CCNB3: variants seen among roughly 807,000 people sequenced by gnomAD.
CCNB3 encodes the protein G2/mitotic-specific cyclin-B3.
A neutral mutation model predicts 68.0 loss-of-function variants in CCNB3; 12 were observed. That is an observed-to-expected ratio of 0.18 (90% CI 0.11 to 0.29). The LOEUF (loss-of-function observed/expected upper bound fraction) is 0.29. CCNB3 is among the 10% of genes least tolerant of loss of function. The pLI is 1.00. For missense variants in CCNB3, 904 were observed against 993.1 expected, an observed-to-expected ratio of 0.91 and a Z score of 1.21; for synonymous variants, 354 against 388.9, an observed-to-expected ratio of 0.91 and a Z score of 1.06.
intron 8 of CCNB3, among the ~76,000 whole-genome samples, chrX:50,340,988 A>G (rs1285969756): frequency 1.8e-5 from 2 of 111,944 alleles, no homozygotes; most frequent in Admixed American, 9.5e-5. Flanking sequence ...GGGATAAAAC[A>G]AAAGTGGTAC....
intron 5 of CCNB3, among the ~76,000 whole-genome samples, chrX:50,299,306 G>A (rs1466666381): frequency 2.7e-5 from 3 of 111,169 alleles, no homozygotes; most frequent in Non-Finnish European, 5.7e-5. Context: ...TGCTTTGAAT[G>A]TGTCCCATAG....
intron 8 of CCNB3, among the ~76,000 whole-genome samples, chrX:50,340,025 C>T (rs1557219330): frequency 8.9e-6 from 1 of 111,977 alleles, no homozygotes; most frequent in African/African-American, 3.2e-5. Context: ...TGAGTAGATC[C>T]AAGGCCATAT....
intron 5 of CCNB3, among the ~76,000 whole-genome samples, chrX:50,297,927 CTGTT>C (rs1250956447): frequency 3.6e-5 from 4 of 111,573 alleles, no homozygotes; most frequent in Admixed American, 9.5e-5. Context: ...ATTTGGCTCT[CTGTT>C]TGTCTGTTAT....
At chrX:50,293,015 A>T (rs1936376488) in intron 4 of CCNB3, among the ~76,000 whole-genome samples, 1 of 112,047 alleles carries the variant, frequency 8.9e-6, no homozygotes, top group Admixed American at 9.5e-5. Context: ...GAGCTAGGAA[A>T]TATCTGTATT....
chrX:50,319,893 T>C (rs193251087), intron 8 of CCNB3, among the ~76,000 whole-genome samples: 153 of 111,905 alleles, frequency 1.4e-3, no homozygotes, highest in African/African-American at 4.7e-3. Flanking sequence ...TAGCCTAATA[T>C]AGTAAGTTAA....
chrX:50,214,220 A>T (rs1248925817), intron 1 of CCNB3, among the ~76,000 whole-genome samples: 1 of 108,414 alleles, frequency 9.2e-6, no homozygotes, highest in Non-Finnish European at 1.9e-5. Context: ...ATCTTGGTAG[A>T]GGTTTGCCAG....
chrX:50,307,830 G>C (rs1369007743), intron 5 of CCNB3, among the ~76,000 whole-genome samples: 1 of 111,431 alleles, frequency 9.0e-6, no homozygotes, highest in Non-Finnish European at 1.9e-5. Flanking sequence ...CTCCTGCTCA[G>C]ATTGGTGATT....
intron 1 of CCNB3, among the ~76,000 whole-genome samples, chrX:50,281,973 C>T (rs1294073450): frequency 3.6e-5 from 4 of 111,197 alleles, no homozygotes; most frequent in African/African-American, 1.3e-4. Flanking sequence ...CCCTCTGCTA[C>T]GCTTAGAATC....
intron 9 of CCNB3, among the ~76,000 whole-genome samples, chrX:50,344,160 A>C (rs782194396): frequency 2.7e-5 from 3 of 112,633 alleles, no homozygotes; most frequent in Non-Finnish European, 5.6e-5. Context: ...ACATGTGCAT[A>C]GGTGTGTAGC....
chrX:50,226,934 GTATATATATAGAATATATATAGTA>G (rs1935851749), intron 1 of CCNB3, among the ~76,000 whole-genome samples: 5 of 47,343 alleles, frequency 1.1e-4, no homozygotes, highest in African/African-American at 4.7e-4. Context: ...AATATATATA[GTATATATATAGAATATATATAGTA>G]TATATATAGA....
At chrX:50,226,841 G>C (rs1240359856) in intron 1 of CCNB3, among the ~76,000 whole-genome samples, 1 of 52,933 alleles carries the variant, frequency 1.9e-5, no homozygotes, top group Admixed American at 3.0e-4. Flanking sequence ...AATATATATA[G>C]TATATATATA....
chrX:50,224,225 T>G (rs1935719092), intron 1 of CCNB3, among the ~76,000 whole-genome samples: 1 of 111,714 alleles, frequency 9.0e-6, no homozygotes. Context: ...CCATTTTAAA[T>G]TCAAATCTTG....
At position 50,224,711 on chromosome X, in the gene CCNB3, A is replaced by G. The variant is rs1009121329; in HGVS notation, c.-113+19761A>G. On this transcript the variant is annotated intron_variant, in intron 1 of 12. Transcript: ENST00000376042. ...CATCCCAGTGGGATACTTGTCTACA[A>G]TGATGACCTTTACAAGAAGATGCTC... is the stretch of plus-strand genomic sequence containing the variant. Among the ~76,000 whole-genome samples the G allele has an allele frequency of 3.0e-3, 331 of 111,709 alleles. 1 individual carries two copies. Among genetic ancestry groups the G allele is most frequent in the Non-Finnish European group, 5.1e-3 (271 of 53,097 alleles).
chrX:50,321,026 T>G (rs1208775012), intron 8 of CCNB3, among the ~76,000 whole-genome samples: 1 of 111,540 alleles, frequency 9.0e-6, no homozygotes, highest in African/African-American at 3.2e-5. Flanking sequence ...GAAATAACCC[T>G]GTAGTGAATA....
Position 50,303,752 on chromosome X carries a change from C to T in CCNB3, c.336-4753C>T, listed in dbSNP as rs782326708. Among the ~76,000 whole-genome samples, 8 of 110,939 alleles carry T rather than the reference C, an allele frequency of 7.2e-5. No individual in the cohort carries two copies. In the East Asian group the frequency reaches 1.1e-3, roughly 16 times the overall value. The stretch of plus-strand genomic sequence containing the variant: ...TTAGATACAAGTCCCTGATCAGATA[C>T]GAGTTGCAAATATTTTCATCCATTT... On this transcript the variant is annotated intron_variant, in intron 5 of 12. Transcript: ENST00000376042.
chrX:50,228,006 T>C, intron 1 of CCNB3, among the ~76,000 whole-genome samples: 1 of 86,498 alleles, frequency 1.2e-5, no homozygotes, highest in East Asian at 3.3e-4. Context: ...ATAGAGAATA[T>C]ATATAAATAT....
At chrX:50,314,423 C>G (rs1180924781) in intron 8 of CCNB3, among the ~76,000 whole-genome samples, 2 of 111,286 alleles carry the variant, frequency 1.8e-5, no homozygotes, top group African/African-American at 6.5e-5. Context: ...TTATTTTATA[C>G]TAAGATAGGA....
chrX:50,338,831 C>T (rs1922985088), intron 8 of CCNB3, among the ~76,000 whole-genome samples: 1 of 112,454 alleles, frequency 8.9e-6, no homozygotes, highest in South Asian at 3.7e-4. Context: ...ACTTCACTGT[C>T]CATGTCAGTA....
At chrX:50,312,397 T>C (rs963334442) in intron 6 of CCNB3, 140 bp from the exon 7 acceptor site, 1 of 517,581 alleles carries the variant, frequency 1.9e-6, no homozygotes, top group Non-Finnish European at 3.4e-6. Flanking sequence ...GAGTACTGTG[T>C]TATGGCCCAA....
Sources: gnomAD v4.1 joint callset for allele counts (sites outside exome capture counted in the v4.1 genomes callset) on GRCh38, gnomAD v4.1.1 for gene constraint, MANE v1.5 for transcripts, NCBI Gene and HGNC (gene_info 2026-07-23, HGNC 2026-07-21) for gene names.